The following QRICH1 variants were observed in gnomAD, a reference collection of about 807,000 sequenced individuals.
QRICH1 encodes the protein transcriptional regulator QRICH1.
In QRICH1, 16 loss-of-function variants were observed where a neutral mutation model predicts 87.1. The observed-to-expected ratio is 0.18, with a 90% CI of 0.12 to 0.28. QRICH1 has a LOEUF of 0.28. Among genes scored for constraint, QRICH1 ranks in the 10% least tolerant of loss-of-function variants. The pLI is 1.00. For missense variants in QRICH1, 647 were observed against 951.7 expected, an observed-to-expected ratio of 0.68 and a Z score of 4.21; for synonymous variants, 367 against 368.4, an observed-to-expected ratio of 1.00 and a Z score of 0.05.
intron 2 of QRICH1, among the ~76,000 whole-genome samples, chr3:49,073,190 T>C (rs1192480613): frequency 1.3e-5 from 2 of 152,088 alleles, no homozygotes; most frequent in Non-Finnish European, 2.9e-5. Context: ...TAAACCATAA[T>C]AGACAATGGC....
At position 49,063,858 on chromosome 3, in the gene QRICH1, T is replaced by TGCCTGG. The variant is rs2093449961; in HGVS notation, c.310-5969_310-5968insCCAGGC. Among the ~76,000 whole-genome samples the TGCCTGG allele has an allele frequency of 3.3e-5, 5 of 152,292 alleles. No homozygotes were observed. The South Asian group carries it at 8.3e-4, about 25-fold the overall frequency. The stretch of plus-strand genomic sequence containing the variant: ...AAAGAACTTGTTTACATAGGTTATA[T>TGCCTGG]CTAGTAATATTTACTTGTACTCTAA... On this transcript the variant is annotated intron_variant, in intron 2 of 9. Coordinates refer to ENST00000395443, the MANE Select transcript of QRICH1 (RefSeq NM_198880.3).
intron 3 of QRICH1, among the ~76,000 whole-genome samples, chr3:49,053,883 C>T (rs1007726132): frequency 2.6e-5 from 4 of 152,148 alleles, no homozygotes; most frequent in African/African-American, 9.7e-5. Flanking sequence ...TGACTGTCTT[C>T]TGCATGTGCT....
At chr3:49,093,726 C>T in intron 1 of QRICH1, 186 bp downstream of exon 1, 1 of 280,884 alleles carries the variant, frequency 3.6e-6, no homozygotes. Context: ...AATCCCCGGG[C>T]CACCCCTCCC....
At chr3:49,068,571 G>C (rs1266780352) in intron 2 of QRICH1, among the ~76,000 whole-genome samples, 1 of 151,672 alleles carries the variant, frequency 6.6e-6, no homozygotes, top group Non-Finnish European at 1.5e-5. Flanking sequence ...ACTGCAGCGA[G>C]CCGTGATCAT....
chr3:49,030,636 C>T lies in QRICH1; in HGVS notation c.2147G>A (p.Ser716Asn). The T allele has an allele frequency of 6.4e-7, 1 of 1,570,422 alleles. No individual in the cohort carries two copies. The highest frequency in any genetic ancestry group is 8.6e-7 in the Non-Finnish European group (1 of 1,157,164). The change falls in exon 10 of 10, where the codon AGT becomes AAT. Residue 716 changes from serine to asparagine, a missense_variant. Ser to Asn is a conservative substitution (Grantham distance 46, BLOSUM62 1). This residue lies in a region of QRICH1 where 56 missense variants were observed against 79.4 expected (regional missense o/e 0.71). Coordinates refer to ENST00000395443, the MANE Select transcript of QRICH1 (RefSeq NM_198880.3). ...YDFYLFKCPQ[S>N]VKGRNDTFYL... ...AAAGGTGTCATTCCGGCCTTTCACA[C>T]TCTGGGGGCTGAAGAATATGCGGAT...
At chr3:49,082,028 G>A (rs953239354) in intron 1 of QRICH1, among the ~76,000 whole-genome samples, 11 of 152,156 alleles carry the variant, frequency 7.2e-5, no homozygotes, top group East Asian at 3.9e-4. Flanking sequence ...AGCTGGTCTC[G>A]AACTCCTGAC....
chr3:49,053,768 T>A (rs1309115207), intron 3 of QRICH1, among the ~76,000 whole-genome samples: 2 of 152,134 alleles, frequency 1.3e-5, no homozygotes, highest in Non-Finnish European at 2.9e-5. Context: ...TAAATCTGGT[T>A]TTAAAGACAG....
intron 1 of QRICH1, among the ~76,000 whole-genome samples, chr3:49,083,842 T>C (rs1242415292): frequency 6.7e-6 from 1 of 149,420 alleles, no homozygotes; most frequent in African/African-American, 2.4e-5. Context: ...GGCAGGAGAA[T>C]CGCTTGAACC....
At chr3:49,090,458 C>CAAAAAAA (rs11425427) in intron 1 of QRICH1, among the ~76,000 whole-genome samples, 1 of 96,124 alleles carries the variant, frequency 1.0e-5, no homozygotes, top group Non-Finnish European at 2.0e-5. Context: ...GACTACGTCT[C>CAAAAAAA]AAAAAAAAAA....
rs776716523 is a variant in QRICH1 at position 49,057,099 on chromosome 3, T to C, written c.1101A>G (p.Val367=). The change falls in exon 3 of 10, where the codon GTA becomes GTG. Residue 367 remains valine, a synonymous_variant. Coordinates refer to ENST00000395443, the MANE Select transcript of QRICH1 (RefSeq NM_198880.3). The surrounding 1 kb of genome is among the most constrained non-coding windows in gnomAD (Gnocchi z 5.4). ...CTACCTCTTCATGGGAGTTTTTCAC[T>C]ACAGATGTGGTGCCCACCATCTTCT... ...DKEKMVGTTS[V]VKNSHEEVVQ... 8 of 1,614,226 alleles carry C rather than the reference T, an allele frequency of 5.0e-6. No individual in the cohort carries two copies. Among genetic ancestry groups the C allele is most frequent in the Non-Finnish European group, 5.9e-6 (7 of 1,180,026 alleles).
chr3:49,052,777 A>G (rs1256539306), intron 3 of QRICH1, among the ~76,000 whole-genome samples: 1 of 152,172 alleles, frequency 6.6e-6, no homozygotes, highest in African/African-American at 2.4e-5. Context: ...TGCTGGGATT[A>G]TAGGTGTGAG....
intron 3 of QRICH1, among the ~76,000 whole-genome samples, chr3:49,056,068 T>C (rs930464421): frequency 2.0e-5 from 3 of 152,140 alleles, no homozygotes; most frequent in South Asian, 4.1e-4. Flanking sequence ...CTCTGCCTCC[T>C]GGGTTCAAGT....
chr3:49,091,131 G>A (rs2042268080), intron 1 of QRICH1, among the ~76,000 whole-genome samples: 1 of 152,208 alleles, frequency 6.6e-6, no homozygotes. Flanking sequence ...GCTGAGGCAG[G>A]AGAATGGCGT....
At chr3:49,071,372 C>T (rs570063954) in intron 2 of QRICH1, among the ~76,000 whole-genome samples, 30 of 152,160 alleles carry the variant, frequency 2.0e-4, no homozygotes, top group Non-Finnish European at 3.5e-4. Context: ...TATGAGAAAG[C>T]GGGGCCAGGT....
At chr3:49,092,816 C>T (rs1263980922) in intron 1 of QRICH1, among the ~76,000 whole-genome samples, 1 of 152,218 alleles carries the variant, frequency 6.6e-6, no homozygotes, top group African/African-American at 2.4e-5. Flanking sequence ...TTAGTAATTT[C>T]TGCTGGGATT....
Position 49,030,401 on chromosome 3 carries a change from G to T in QRICH1, c.*51C>A. 2 of 1,559,760 alleles carry T rather than the reference G, an allele frequency of 1.3e-6. No homozygotes were observed. Among genetic ancestry groups the T allele is most frequent in the Non-Finnish European group, 1.8e-6 (2 of 1,140,794 alleles). Reference sequence around the variant, plus strand: ...TGGAGGCCTCTTCTTTAGTGTGAAAGTCTGTCTGGTTTTTCCTGGCTGGTT... The same window carrying T: ...TGGAGGCCTCTTCTTTAGTGTGAAATTCTGTCTGGTTTTTCCTGGCTGGTT... On this transcript the variant is annotated 3_prime_UTR_variant, in exon 10 of 10. Coordinates refer to ENST00000395443, the MANE Select transcript of QRICH1 (RefSeq NM_198880.3).
At chr3:49,078,372 A>T (rs1036157748) in intron 1 of QRICH1, among the ~76,000 whole-genome samples, 9 of 149,278 alleles carry the variant, frequency 6.0e-5, no homozygotes, top group Non-Finnish European at 8.9e-5. Context: ...GTGGAAAACG[A>T]AGAATTATGG....
rs1330156922 is a variant in QRICH1, at chr3:49,030,384, T to C, written c.*68A>G. ...AAAAAGAAAAAAAAAAATGGAGGCCTCTTCTTTAGTGTGAAAGTCTGTCTG... is the reference window on the plus strand; with the variant it reads ...AAAAAGAAAAAAAAAAATGGAGGCCCCTTCTTTAGTGTGAAAGTCTGTCTG... On this transcript the variant is annotated 3_prime_UTR_variant, in exon 10 of 10. Coordinates refer to ENST00000395443, the MANE Select transcript of QRICH1 (RefSeq NM_198880.3). 1.4e-6 allele frequency: 2 copies of C among 1,455,044 alleles called. No homozygotes were observed. The highest frequency in any genetic ancestry group is 1.9e-6 in the Non-Finnish European group (2 of 1,067,366). 90.1% of individuals were successfully genotyped at this position (1,455,044 alleles called of 1,614,324 possible). A position where few individuals can be genotyped will look rare whatever the true frequency, so the allele number is the denominator to read the frequency against.
intron 1 of QRICH1, among the ~76,000 whole-genome samples, chr3:49,087,570 AAAAAAAATAAAAAT>A (rs1020244570): frequency 4.0e-5 from 6 of 151,232 alleles, no homozygotes; most frequent in Non-Finnish European, 7.4e-5. Context: ...AAATAAATTT[AAAAAAAATAAAAAT>A]AAAAAAATAG....
Sources: gnomAD v4.1 joint callset for allele counts (sites outside exome capture counted in the v4.1 genomes callset) on GRCh38, gnomAD v4.1.1 for gene constraint, gnomAD v4.1.1 regional missense constraint, Gnocchi (gnomAD v3.1) non-coding constraint, MANE v1.5 for transcripts, NCBI Gene and HGNC (gene_info 2026-07-23, HGNC 2026-07-21) for gene names.